SLCO5A1: variants seen among roughly 807,000 people sequenced by gnomAD.
The protein encoded by SLCO5A1 is organic anion transporter polypeptide-related protein 4.
SLCO5A1 carries 39 observed loss-of-function variants against 65.1 expected under a neutral mutation model. That is an observed-to-expected ratio of 0.60 (90% confidence interval 0.46 to 0.78). SLCO5A1 has a LOEUF of 0.78. Among genes scored for constraint, SLCO5A1 ranks in the 30% least tolerant of loss-of-function variants. The pLI, the probability that SLCO5A1 is intolerant of heterozygous loss-of-function variation, is 0.00. For missense variants in SLCO5A1, 1,029 were observed against 1,069.4 expected (o/e 0.96, Z 0.53); for synonymous variants, 438 against 415.7 (o/e 1.05, Z -0.65).
intron 6 of SLCO5A1, among the ~76,000 whole-genome samples, chr8:69,689,821 G>A (rs1409620540): frequency 2.0e-5 from 3 of 151,866 alleles, no homozygotes; most frequent in Non-Finnish European, 4.4e-5. Context: ...TGGTGATGCG[G>A]GCTCTTTTTT....
chr8:69,707,058 G>T (rs115482047), intron 5 of SLCO5A1, among the ~76,000 whole-genome samples: 1 of 152,246 alleles, frequency 6.6e-6, no homozygotes, highest in African/African-American at 2.4e-5. Flanking sequence ...TGAGACAGGA[G>T]AATCGCTTGA....
chr8:69,809,722 C>G (rs919731111), intron 2 of SLCO5A1, among the ~76,000 whole-genome samples: 4 of 149,970 alleles, frequency 2.7e-5, no homozygotes, highest in Non-Finnish European at 2.9e-5. Context: ...AGCTACCGAT[C>G]TAAGGAGTGT....
At chr8:69,730,624 C>G (rs1293909786) in intron 5 of SLCO5A1, among the ~76,000 whole-genome samples, 1 of 152,166 alleles carries the variant, frequency 6.6e-6, no homozygotes, top group Non-Finnish European at 1.5e-5. Flanking sequence ...GGCACTGACT[C>G]CTAGTCAAGG....
chr8:69,683,555 A>G lies in SLCO5A1; in HGVS notation c.1623-1212T>C, dbSNP rs536380924. 6.4e-5 allele frequency among the ~76,000 whole-genome samples: 9 copies of G among 141,386 alleles called. No individual in the cohort carries two copies. The East Asian group carries it at 1.9e-3, about 29-fold the overall frequency. 92.8% of individuals were successfully genotyped at this position (141,386 alleles called of 152,430 possible). A position where few individuals can be genotyped will look rare whatever the true frequency, so the allele number is the denominator to read the frequency against. On this transcript the variant is annotated intron_variant, in intron 6 of 9. Transcript: ENST00000260126. ...TCGCCCCTCAACTCCCTCCCTCGCC[A>G]CCAAGACTTATCTTTTTTTTTTTTT...
intron 4 of SLCO5A1, among the ~76,000 whole-genome samples, chr8:69,748,521 G>A (rs765472961): frequency 5.3e-5 from 8 of 152,076 alleles, no homozygotes; most frequent in East Asian, 1.9e-4. Flanking sequence ...CAAATAATTC[G>A]ATACACAGAA....
chr8:69,772,859 T>C, intron 2 of SLCO5A1: 1 of 880,234 alleles, frequency 1.1e-6, no homozygotes, highest in Non-Finnish European at 1.4e-6. Context: ...CAGGGAGGGC[T>C]CACTGCAAAG....
At chr8:69,806,682 A>G (rs1005223986) in intron 2 of SLCO5A1, among the ~76,000 whole-genome samples, 2 of 152,184 alleles carry the variant, frequency 1.3e-5, no homozygotes, top group East Asian at 3.8e-4. Context: ...CTCCCTTTAC[A>G]GAATATCAAA....
intron 2 of SLCO5A1, among the ~76,000 whole-genome samples, chr8:69,806,650 C>G (rs16936446): frequency 0.097 from 14,690 of 152,218 alleles, 766 homozygotes; most frequent in Middle Eastern, 0.16. Flanking sequence ...CACCTCCACT[C>G]CCTTCCCACT....
chr8:69,767,889 C>CAAA (rs746004982), intron 2 of SLCO5A1, among the ~76,000 whole-genome samples: 23 of 34,804 alleles, frequency 6.6e-4, no homozygotes, highest in East Asian at 1.4e-3. Context: ...GACTCCATCT[C>CAAA]AAAAAAAAAA....
chr8:69,784,942 GA>G (rs1563723259), intron 2 of SLCO5A1, among the ~76,000 whole-genome samples: 5 of 117,280 alleles, frequency 4.3e-5, no homozygotes, highest in African/African-American at 1.0e-4. Context: ...AAGAAAGAAA[GA>G]AAGAAAGAAG....
In SLCO5A1 at chr8:69,831,933, C is replaced by T; in HGVS notation, c.741G>A (p.Glu247=). The T allele has an allele frequency of 6.3e-7, 1 of 1,599,286 alleles. No homozygotes were observed. The highest frequency in any genetic ancestry group is 8.5e-7 in the Non-Finnish European group (1 of 1,174,224). ...CCGAGTCCTTCGGACAGGCCGGAGG[C>T]TCCAAAGTGGCGGTGGAGTTGCCAC... ...CQGGNSTATL[E]PPACPKDSGG... Residue 247 remains glutamate, a synonymous_variant, in exon 2 of 10, where the codon GAG becomes GAA. Transcript: ENST00000260126.
At chr8:69,775,821 C>G (rs1325872457) in intron 2 of SLCO5A1, among the ~76,000 whole-genome samples, 1 of 152,044 alleles carries the variant, frequency 6.6e-6, no homozygotes, top group African/African-American at 2.4e-5. Flanking sequence ...GGAGACCAAG[C>G]TGGGCGACAT....
intron 4 of SLCO5A1, among the ~76,000 whole-genome samples, chr8:69,752,983 C>T (rs957110849): frequency 6.6e-6 from 1 of 152,162 alleles, no homozygotes; most frequent in Non-Finnish European, 1.5e-5. Context: ...ATAGAGAAGA[C>T]AGAGAAAAGC....
In SLCO5A1 at chr8:69,671,206, C is replaced by T. The variant is rs1256336706; in HGVS notation, c.*1663G>A. The T allele has an allele frequency of 1.3e-5, 2 of 152,248 alleles. No homozygotes were observed. The highest frequency in any genetic ancestry group is 2.9e-5 in the Non-Finnish European group (2 of 68,074). 9.4% of individuals were successfully genotyped at this position (152,248 alleles called of 1,614,324 possible). ...ACCAAGAGAACTGTTTGACCAATGT[C>T]ATTCCTAGGAAGAGAGGGAAACAGC... On this transcript the variant is annotated 3_prime_UTR_variant, in exon 10 of 10. Coordinates refer to ENST00000260126, the MANE Select transcript of SLCO5A1 (RefSeq NM_030958.3).
chr8:69,809,643 T>C (rs1306685440), intron 2 of SLCO5A1, among the ~76,000 whole-genome samples: 1 of 152,118 alleles, frequency 6.6e-6, no homozygotes, highest in Non-Finnish European at 1.5e-5. Flanking sequence ...ATCATCATTA[T>C]TATGCCAACT....
chr8:69,755,482 G>C lies in SLCO5A1; in HGVS notation c.1200C>G (p.Asn400Lys). 1 of 1,614,000 alleles carries C rather than the reference G, an allele frequency of 6.2e-7. No homozygotes were observed. Among genetic ancestry groups the C allele is most frequent in the Non-Finnish European group, 8.5e-7 (1 of 1,179,966 alleles). ...SDDDVLKEKS[N>K]NSEQADKKVS... Reference sequence around the variant, plus strand: ...CTTTTTTGTCCGCTTGTTCACTGTTGTTTGATTTCTCCTTCAGAACATCGT... The same window carrying C: ...CTTTTTTGTCCGCTTGTTCACTGTTCTTTGATTTCTCCTTCAGAACATCGT... The change falls in exon 4 of 10, where the codon AAC (asparagine) becomes AAG (lysine). Residue 400 changes from asparagine (N) to lysine (K), a missense_variant. Asn to Lys is a moderately conservative substitution (Grantham distance 94). This residue lies in a region of SLCO5A1 where 647 missense variants were observed against 647.5 expected (regional missense o/e 1.00). Coordinates refer to ENST00000260126, the MANE Select transcript of SLCO5A1 (RefSeq NM_030958.3).
chr8:69,667,416 A>ATTTGGGG lies in SLCO5A1; in HGVS notation c.*5446_*5452dup, dbSNP rs368603048. 4 of 152,306 alleles carry ATTTGGGG rather than the reference A, an allele frequency of 2.6e-5. No individual in the cohort carries two copies. Among genetic ancestry groups the ATTTGGGG allele is most frequent in the African/African-American group, 9.6e-5 (4 of 41,560 alleles). 9.4% of individuals were successfully genotyped at this position (152,306 alleles called of 1,614,324 possible). On this transcript the variant is annotated 3_prime_UTR_variant, in exon 10 of 10. Coordinates refer to ENST00000260126, the MANE Select transcript of SLCO5A1 (RefSeq NM_030958.3). ...GCCTGTTTCAGGATTCTAAATTAAC[A>ATTTGGGG]TTTGGGGTTTGGGGTAGAGGTATGT...
At chr8:69,722,817 G>C (rs968476949) in intron 5 of SLCO5A1, among the ~76,000 whole-genome samples, 1 of 147,244 alleles carries the variant, frequency 6.8e-6, no homozygotes, top group Non-Finnish European at 1.5e-5. Flanking sequence ...GAATATTTGT[G>C]TGTATGCGTG....
intron 6 of SLCO5A1, among the ~76,000 whole-genome samples, chr8:69,691,735 G>A (rs1814268233): frequency 6.6e-6 from 1 of 152,312 alleles, no homozygotes; most frequent in South Asian, 2.1e-4. Flanking sequence ...GACACATTCT[G>A]AGAAATGCAT....
Sources: gnomAD v4.1 joint callset for allele counts (sites outside exome capture counted in the v4.1 genomes callset) on GRCh38, gnomAD v4.1.1 for gene constraint, gnomAD v4.1.1 regional missense constraint, MANE v1.5 for transcripts, NCBI Gene and HGNC (gene_info 2026-07-23, HGNC 2026-07-21) for gene names.